GRAMD1B: variants seen among roughly 807,000 people sequenced by gnomAD.
The protein encoded by GRAMD1B is GRAM domain containing 1B.
In GRAMD1B, 37 loss-of-function variants were observed where a neutral mutation model predicts 99.7. That is an observed-to-expected ratio of 0.37 (90% CI 0.29 to 0.49). The LOEUF is 0.49. GRAMD1B is among the 20% of genes least tolerant of loss of function. GRAMD1B has a pLI of 0.98. For missense variants in GRAMD1B, 888 were observed against 1,009.2 expected (o/e 0.88, Z 1.63); for synonymous variants, 427 against 387.6 (o/e 1.10, Z -1.19).
At chr11:123,497,924 G>A (rs954495561) in intron 2 of GRAMD1B, among the ~76,000 whole-genome samples, 1 of 146,652 alleles carries the variant, frequency 6.8e-6, no homozygotes, top group Non-Finnish European at 1.5e-5. Context: ...AAAAAAAATG[G>A]TAAGCTAAGC....
In GRAMD1B at chr11:123,622,780, C is replaced by T. The variant is rs944277914; in HGVS notation, c.*185C>T. The T allele has an allele frequency of 2.7e-5, 5 of 183,430 alleles. No individual in the cohort carries two copies. Among genetic ancestry groups the T allele is most frequent in the Non-Finnish European group, 5.5e-5 (5 of 91,504 alleles). 11.4% of individuals were successfully genotyped at this position (183,430 alleles called of 1,614,324 possible). A position where few individuals can be genotyped will look rare whatever the true frequency, so the allele number is the denominator to read the frequency against. On this transcript the variant is annotated 3_prime_UTR_variant, in exon 20 of 20. Coordinates refer to ENST00000635736, the MANE Select transcript of GRAMD1B (RefSeq NM_001387025.1). ...GGGCCCTCCCGCGCCCTGTGCTGGCCGGAGCAGCGTTTTCTTATGGTGGAG... is the reference window on the plus strand; with the variant it reads ...GGGCCCTCCCGCGCCCTGTGCTGGCTGGAGCAGCGTTTTCTTATGGTGGAG...
chr11:123,545,459 G>GATGGA (rs1944959659), intron 2 of GRAMD1B, among the ~76,000 whole-genome samples: 1 of 152,200 alleles, frequency 6.6e-6, no homozygotes, highest in Non-Finnish European at 1.5e-5. Context: ...CAGAATATCT[G>GATGGA]CCTGGGGCCC....
At chr11:123,520,376 A>T (rs757204408) in intron 2 of GRAMD1B, among the ~76,000 whole-genome samples, 2 of 152,136 alleles carry the variant, frequency 1.3e-5, no homozygotes, top group South Asian at 2.1e-4. Flanking sequence ...CCCCCTCTTT[A>T]TCAAGCCTGT....
At chr11:123,374,027 G>T (rs545344537) in intron 1 of GRAMD1B, among the ~76,000 whole-genome samples, 1 of 152,306 alleles carries the variant, frequency 6.6e-6, no homozygotes, top group Admixed American at 6.5e-5. Flanking sequence ...CATGCTAGCC[G>T]TGTAGAGAAA....
intron 17 of GRAMD1B, 103 bp downstream of exon 17, chr11:123,614,938 G>A (rs1206200126): frequency 1.4e-5 from 9 of 642,172 alleles, no homozygotes; most frequent in Non-Finnish European, 2.5e-5. Flanking sequence ...CTTACTGTTT[G>A]CCCTGGTTTT....
chr11:123,417,331 C>A (rs898334896), intron 1 of GRAMD1B, among the ~76,000 whole-genome samples: 1 of 152,112 alleles, frequency 6.6e-6, no homozygotes, highest in South Asian at 2.1e-4. Flanking sequence ...TGAGATCGCG[C>A]CATTGCACTC....
At chr11:123,585,185 G>C (rs1048327603) in intron 4 of GRAMD1B, among the ~76,000 whole-genome samples, 1 of 152,226 alleles carries the variant, frequency 6.6e-6, no homozygotes, top group Non-Finnish European at 1.5e-5. Flanking sequence ...GACACACCAG[G>C]TTCTGCTGCA....
intron 2 of GRAMD1B, chr11:123,525,897 C>T (rs942733648): frequency 1.2e-4 from 68 of 544,672 alleles, no homozygotes; most frequent in Middle Eastern, 4.7e-4. Context: ...GCTCCAGCCC[C>T]AGGCTGGATT....
At chr11:123,516,770 A>G (rs1591786447) in intron 2 of GRAMD1B, among the ~76,000 whole-genome samples, 1 of 152,218 alleles carries the variant, frequency 6.6e-6, no homozygotes, top group East Asian at 1.9e-4. Context: ...TTGTTGCCTT[A>G]TATTTTAAGT....
rs76308709 is a variant in GRAMD1B at position 123,502,049 on chromosome 11, T to C, written c.452+21156T>C. Among the ~76,000 whole-genome samples, 434 of 152,328 alleles carry C rather than the reference T, an allele frequency of 2.8e-3. 4 individuals are homozygous for C. The highest frequency in any genetic ancestry group is 9.9e-3 in the African/African-American group (411 of 41,580). Reference sequence around the variant, plus strand: ...CCTTTCTCTCCTGGGCTCACCAGCATCCCCAGTAAACCATTCTCCTTCAAC... The same window carrying C: ...CCTTTCTCTCCTGGGCTCACCAGCACCCCCAGTAAACCATTCTCCTTCAAC... On this transcript the variant is annotated intron_variant, in intron 2 of 19. Transcript: ENST00000635736.
intron 2 of GRAMD1B, among the ~76,000 whole-genome samples, chr11:123,532,722 T>C (rs1481374204): frequency 6.6e-6 from 1 of 152,222 alleles, no homozygotes; most frequent in Non-Finnish European, 1.5e-5. Context: ...TTTTAAATGG[T>C]TGAAGAAATT....
intron 1 of GRAMD1B, among the ~76,000 whole-genome samples, chr11:123,373,374 G>A (rs1270206006): frequency 1.3e-5 from 2 of 152,140 alleles, no homozygotes; most frequent in Non-Finnish European, 2.9e-5. Context: ...ACCAAGGTAT[G>A]GCACAGACTC....
chr11:123,532,684 C>T (rs886953148), intron 2 of GRAMD1B, among the ~76,000 whole-genome samples: 2 of 152,190 alleles, frequency 1.3e-5, no homozygotes, highest in Admixed American at 6.5e-5. Context: ...TTATACAGTT[C>T]TTCCAAACTA....
chr11:123,526,042 A>G, intron 2 of GRAMD1B: 1 of 923,468 alleles, frequency 1.1e-6, no homozygotes, highest in Admixed American at 1.9e-5. Flanking sequence ...ATTACATGGG[A>G]TTCTGTTCTT....
At chr11:123,561,289 C>T (rs907424933) in intron 2 of GRAMD1B, among the ~76,000 whole-genome samples, 1 of 152,088 alleles carries the variant, frequency 6.6e-6, no homozygotes, top group Non-Finnish European at 1.5e-5. Flanking sequence ...GTGCCTCCGG[C>T]GGGGGTAGGA....
intron 2 of GRAMD1B, 80 bp from the exon 3 acceptor site, chr11:123,577,287 C>T (rs1467374436): frequency 2.4e-6 from 3 of 1,236,888 alleles, no homozygotes; most frequent in Non-Finnish European, 3.5e-6. Context: ...TGGGCTTGTC[C>T]TTGGCCTCGA....
intron 1 of GRAMD1B, among the ~76,000 whole-genome samples, chr11:123,414,304 C>T (rs1015872652): frequency 1.3e-5 from 2 of 152,150 alleles, no homozygotes; most frequent in South Asian, 2.1e-4. Flanking sequence ...TTTGGCCTCC[C>T]AAAGTGTTGG....
At chr11:123,570,537 C>G in intron 2 of GRAMD1B, among the ~76,000 whole-genome samples, 1 of 150,320 alleles carries the variant, frequency 6.7e-6, no homozygotes, top group East Asian at 2.0e-4. Flanking sequence ...GATTGTCTTG[C>G]CTAAGCCTCC....
intron 2 of GRAMD1B, among the ~76,000 whole-genome samples, chr11:123,523,163 C>T (rs183866054): frequency 9.2e-5 from 14 of 152,250 alleles, no homozygotes; most frequent in Non-Finnish European, 1.8e-4. Context: ...GAAACCCCAT[C>T]TCTACTAAAA....
Sources: gnomAD v4.1 joint callset for allele counts (sites outside exome capture counted in the v4.1 genomes callset) on GRCh38, gnomAD v4.1.1 for gene constraint, MANE v1.5 for transcripts, NCBI Gene and HGNC (gene_info 2026-07-23, HGNC 2026-07-21) for gene names.